Variants in SAMD12 observed in about 807,000 individuals in gnomAD.
SAMD12 encodes the protein sterile alpha motif domain containing 12.
In SAMD12, 9 loss-of-function variants were observed where a neutral mutation model predicts 15.0. That is an observed-to-expected ratio of 0.60 (90% confidence interval 0.36 to 1.05). The LOEUF (loss-of-function observed/expected upper bound fraction) is 1.05. SAMD12 is among the 50% of genes least tolerant of loss of function. The probability of loss-of-function intolerance (pLI) is 0.01; values close to 1 mark genes in which losing one functional copy is unlikely to be tolerated. For synonymous variants in SAMD12, 86 were observed against 90.1 expected (o/e 0.96, Z 0.25); for missense variants, 230 against 234.2 (o/e 0.98, Z 0.12).
chr8:118,543,174 C>T (rs890879301), intron 2 of SAMD12, among the ~76,000 whole-genome samples: 4 of 152,320 alleles, frequency 2.6e-5, no homozygotes, highest in South Asian at 2.1e-4. Flanking sequence ...GTCTGTTCCA[C>T]GCCCAGGGTC....
At chr8:118,425,095 C>T (rs58494399) in intron 3 of SAMD12, among the ~76,000 whole-genome samples, 5,796 of 152,068 alleles carry the variant, frequency 0.038, 403 homozygotes, top group African/African-American at 0.13. Context: ...CCCGCCACCA[C>T]GCCCAGCTAA....
intron 2 of SAMD12, among the ~76,000 whole-genome samples, chr8:118,517,816 C>G (rs1210455587): frequency 6.6e-6 from 1 of 152,174 alleles, no homozygotes; most frequent in Non-Finnish European, 1.5e-5. Flanking sequence ...ACTCAGCCAC[C>G]TCTAAATCAA....
intron 2 of SAMD12, among the ~76,000 whole-genome samples, chr8:118,535,644 A>G (rs1316637538): frequency 4.6e-5 from 7 of 152,166 alleles, no homozygotes. Flanking sequence ...AGCCTCAGCA[A>G]TGGCGGGCGC....
intron 2 of SAMD12, among the ~76,000 whole-genome samples, chr8:118,466,212 G>T (rs2130950316): frequency 6.6e-6 from 1 of 152,292 alleles, no homozygotes; most frequent in South Asian, 2.1e-4. Flanking sequence ...ATAGCCTATA[G>T]AACAAGGAGA....
At chr8:118,514,376 G>C (rs1004951181) in intron 2 of SAMD12, among the ~76,000 whole-genome samples, 1 of 152,094 alleles carries the variant, frequency 6.6e-6, no homozygotes, top group Non-Finnish European at 1.5e-5. Flanking sequence ...TCTGGAGAAG[G>C]CCAAAAGGGG....
rs1046371257 is a variant in SAMD12, at chr8:118,378,789, A to G, written c.*628T>C. The G allele has an allele frequency of 1.5e-5, 15 of 984,506 alleles. No homozygotes were observed. The highest frequency in any genetic ancestry group is 1.7e-5 in the African/African-American group (1 of 57,232). The allele number at this position is 984,506 out of a possible 1,614,324, so 61.0% of individuals were successfully genotyped here. On this transcript the variant is annotated 3_prime_UTR_variant, in exon 4 of 4. Coordinates refer to ENST00000314727, the MANE Select transcript of SAMD12 (RefSeq NM_207506.3). ...CATCCAAATCTCATGTAGACATATC[A>G]GTTACATATAGTGTAACTTAAGGCT...
intron 3 of SAMD12, among the ~76,000 whole-genome samples, chr8:118,382,811 C>T (rs899152332): frequency 1.3e-5 from 2 of 152,098 alleles, no homozygotes; most frequent in African/African-American, 4.8e-5. Context: ...GGTTAGTTTT[C>T]AAGAAAGATT....
chr8:118,598,107 T>C (rs1407787370), intron 1 of SAMD12, among the ~76,000 whole-genome samples: 1 of 152,198 alleles, frequency 6.6e-6, no homozygotes, highest in Non-Finnish European at 1.5e-5. Context: ...GTCCGATAAA[T>C]GTATGCAAGG....
intron 3 of SAMD12, among the ~76,000 whole-genome samples, chr8:118,380,397 C>T (rs997822525): frequency 3.3e-5 from 5 of 152,072 alleles, no homozygotes; most frequent in East Asian, 3.9e-4. Flanking sequence ...AAACAAGGCA[C>T]CTAGAGGTGT....
At chr8:118,473,051 C>T (rs1033385966) in intron 2 of SAMD12, among the ~76,000 whole-genome samples, 4 of 152,144 alleles carry the variant, frequency 2.6e-5, no homozygotes, top group African/African-American at 9.7e-5. Context: ...TGGGGTCAAC[C>T]AATTGGAAGC....
intron 1 of SAMD12, among the ~76,000 whole-genome samples, chr8:118,601,435 T>C (rs1373244473): frequency 6.6e-6 from 1 of 152,180 alleles, no homozygotes; most frequent in African/African-American, 2.4e-5. Context: ...CTCTTCTTTG[T>C]TTAAATATTT....
intron 4 of SAMD12, among the ~76,000 whole-genome samples, chr8:118,223,415 A>G (rs1166999209): frequency 6.6e-6 from 1 of 152,192 alleles, no homozygotes; most frequent in African/African-American, 2.4e-5. Flanking sequence ...CTGAGCAACC[A>G]TGAGCCAAAA....
At chr8:118,395,285 C>T (rs1322518744) in intron 3 of SAMD12, among the ~76,000 whole-genome samples, 1 of 152,160 alleles carries the variant, frequency 6.6e-6, no homozygotes, top group Non-Finnish European at 1.5e-5. Flanking sequence ...ATGTACCACA[C>T]TCCCTCATTC....
chr8:118,164,605 G>C, the SAMD12 span, among the ~76,000 whole-genome samples: 1 of 152,036 alleles, frequency 6.6e-6, no homozygotes, highest in Admixed American at 6.6e-5. Flanking sequence ...TAGCAGAGAT[G>C]GATAATGATA....
intron 2 of SAMD12, 33 bp from the exon 3 acceptor site, chr8:118,439,994 G>A: frequency 1.2e-6 from 2 of 1,611,160 alleles, no homozygotes; most frequent in Non-Finnish European, 1.7e-6. Flanking sequence ...TGTCAATGCT[G>A]GCCCCATGCC....
chr8:118,494,289 C>A (rs1378886232), intron 2 of SAMD12, among the ~76,000 whole-genome samples: 1 of 152,158 alleles, frequency 6.6e-6, no homozygotes, highest in Admixed American at 6.5e-5. Context: ...GTCTATAAGA[C>A]CATTTTGGAC....
At chr8:118,137,739 C>T in the SAMD12 span, among the ~76,000 whole-genome samples, 4 of 152,228 alleles carry the variant, frequency 2.6e-5, no homozygotes, top group East Asian at 7.7e-4. Flanking sequence ...TACGCTAACA[C>T]TAATGACAGC....
chr8:118,282,142 A>T (rs968179407), intron 4 of SAMD12: 1 of 359,296 alleles, frequency 2.8e-6, no homozygotes, highest in Admixed American at 3.8e-5. Context: ...TTCTCATCTG[A>T]CCATCATGAC....
At chr8:118,399,038 C>T (rs1820735991) in intron 3 of SAMD12, among the ~76,000 whole-genome samples, 1 of 152,054 alleles carries the variant, frequency 6.6e-6, no homozygotes, top group South Asian at 2.1e-4. Context: ...CACAGGCCAC[C>T]ACACCTGCTA....
Sources: allele counts gnomAD v4.1 joint callset (sites outside exome capture counted in the v4.1 genomes callset), GRCh38; gene constraint gnomAD v4.1.1; transcripts MANE v1.5; gene names NCBI Gene and HGNC (gene_info 2026-07-23, HGNC 2026-07-21).